The following RGS6 variants were observed in gnomAD, a reference collection of about 807,000 sequenced individuals.
The protein encoded by RGS6 is regulator of G-protein signaling 6.
RGS6 carries 30 observed loss-of-function variants against 78.5 expected under a neutral mutation model. The observed-to-expected ratio is 0.38, with a 90% CI of 0.29 to 0.52. The LOEUF (loss-of-function observed/expected upper bound fraction) is 0.52. Ranked by LOEUF, RGS6 falls within the 20% of genes least tolerant of loss-of-function variation. RGS6 has a pLI of 0.85. For missense variants in RGS6, 495 were observed against 609.7 expected, an observed-to-expected ratio of 0.81 and a Z score of 1.98; for synonymous variants, 206 against 206.0, an observed-to-expected ratio of 1.00 and a Z score of 0.00.
intron 2 of RGS6, among the ~76,000 whole-genome samples, chr14:72,028,483 A>G (rs1421974299): frequency 6.6e-6 from 1 of 152,242 alleles, no homozygotes; most frequent in Non-Finnish European, 1.5e-5. Flanking sequence ...CACTGTGCAT[A>G]GTGACTCTTA....
At chr14:72,413,601 C>G (rs562721744) in intron 3 of RGS6, among the ~76,000 whole-genome samples, 39 of 152,264 alleles carry the variant, frequency 2.6e-4, no homozygotes, top group Admixed American at 6.5e-4. Context: ...GAATTTGATC[C>G]TGTTATTATG....
At chr14:72,032,316 T>C (rs1020165666) in intron 2 of RGS6, among the ~76,000 whole-genome samples, 3 of 152,198 alleles carry the variant, frequency 2.0e-5, no homozygotes, top group Non-Finnish European at 4.4e-5. Flanking sequence ...TTTATCAGTT[T>C]ACCACCCATT....
intron 1 of RGS6, among the ~76,000 whole-genome samples, chr14:71,935,009 T>G (rs1166471030): frequency 1.3e-5 from 2 of 152,226 alleles, no homozygotes; most frequent in African/African-American, 4.8e-5. Flanking sequence ...TTAGCTTGTC[T>G]TAATTGGTAT....
At chr14:72,417,958 C>T (rs558910994) in intron 3 of RGS6, among the ~76,000 whole-genome samples, 10 of 152,240 alleles carry the variant, frequency 6.6e-5, no homozygotes, top group African/African-American at 2.4e-4. Context: ...TGATTTATAG[C>T]ATAGCTTGGG....
intron 2 of RGS6, among the ~76,000 whole-genome samples, chr14:72,122,389 G>A (rs1597949917): frequency 6.6e-6 from 1 of 152,250 alleles, no homozygotes; most frequent in Middle Eastern, 3.4e-3. Context: ...GATATCTACT[G>A]CTTAGAAGGG....
intron 2 of RGS6, among the ~76,000 whole-genome samples, chr14:72,321,043 A>T (rs959770618): frequency 6.6e-6 from 1 of 151,288 alleles, no homozygotes; most frequent in African/African-American, 2.4e-5. Flanking sequence ...ATATGTAAAC[A>T]TATAATATAT....
intron 2 of RGS6, among the ~76,000 whole-genome samples, chr14:72,314,211 C>A (rs1158765080): frequency 6.6e-6 from 1 of 152,138 alleles, no homozygotes; most frequent in Non-Finnish European, 1.5e-5. Context: ...AGAGGTTCCT[C>A]CTAATGAGAT....
At chr14:72,399,138 T>C (rs761210055) in intron 3 of RGS6, among the ~76,000 whole-genome samples, 15 of 139,470 alleles carry the variant, frequency 1.1e-4, no homozygotes, top group Non-Finnish European at 1.6e-4. Context: ...ATCTGTCTAA[T>C]GTTGACAGTG....
intron 2 of RGS6, among the ~76,000 whole-genome samples, chr14:72,226,651 C>T (rs532086868): frequency 6.6e-6 from 1 of 152,166 alleles, no homozygotes; most frequent in Non-Finnish European, 1.5e-5. Flanking sequence ...TATCCTGAAT[C>T]GGAATCTTCA....
the RGS6 span, among the ~76,000 whole-genome samples, chr14:72,575,804 G>A: frequency 6.6e-6 from 1 of 152,194 alleles, no homozygotes; most frequent in Non-Finnish European, 1.5e-5. Context: ...CAATTATTAT[G>A]TGTCCATTTA....
rs1433227736 is a variant in RGS6, at chr14:72,195,183, G to A, written c.85-156912G>A. 3.9e-5 allele frequency among the ~76,000 whole-genome samples: 6 copies of A among 152,110 alleles called. No homozygotes were observed. The East Asian group carries it at 9.6e-4, about 24-fold the overall frequency. On this transcript the variant is annotated intron_variant, in intron 2 of 17. Coordinates refer to ENST00000553525, the MANE Select transcript of RGS6 (RefSeq NM_001204424.2). ...AGATCGCACCACTGCACTCCGGCCT[G>A]GGCGACAGAGTGAAACTCCATCTCA...
chr14:72,404,188 T>C (rs1220286586), intron 3 of RGS6, among the ~76,000 whole-genome samples: 1 of 152,192 alleles, frequency 6.6e-6, no homozygotes, highest in East Asian at 1.9e-4. Context: ...TGAATGAAGA[T>C]AGGAGGTGTA....
Position 72,181,521 on chromosome 14 carries a change from C to T in RGS6, c.85-170574C>T, listed in dbSNP as rs183518073. On this transcript the variant is annotated intron_variant, in intron 2 of 17. Coordinates refer to ENST00000553525, the MANE Select transcript of RGS6 (RefSeq NM_001204424.2). ...TTGACACTGCTGTTATTTGAGCCTTCAGGTGTAGGGACTTGGAGCACCTAT... is the reference window on the plus strand; with the variant it reads ...TTGACACTGCTGTTATTTGAGCCTTTAGGTGTAGGGACTTGGAGCACCTAT... Among the ~76,000 whole-genome samples the T allele has an allele frequency of 1.5e-3, 234 of 152,334 alleles. 1 individual carries two copies. Among genetic ancestry groups the T allele is most frequent in the Middle Eastern group, 6.8e-3 (2 of 294 alleles).
At chr14:72,421,875 C>G (rs1043157381) in intron 3 of RGS6, among the ~76,000 whole-genome samples, 1 of 152,182 alleles carries the variant, frequency 6.6e-6, no homozygotes, top group African/African-American at 2.4e-5. Context: ...GTTTCCTCTT[C>G]TGAAAGGCAG....
chr14:72,510,321 A>G (rs2096862634), intron 14 of RGS6, 42 bp downstream of exon 14: 2 of 1,612,810 alleles, frequency 1.2e-6, no homozygotes, highest in Non-Finnish European at 1.7e-6. Flanking sequence ...AATGTGTGTG[A>G]AGAAATTTGC....
chr14:72,525,082 C>A (rs1460681579), intron 15 of RGS6, among the ~76,000 whole-genome samples: 1 of 152,210 alleles, frequency 6.6e-6, no homozygotes, highest in Non-Finnish European at 1.5e-5. Flanking sequence ...TAAGTTCCTG[C>A]ATCACAAAGG....
At chr14:72,140,261 G>A (rs1567293931) in intron 2 of RGS6, among the ~76,000 whole-genome samples, 1 of 150,816 alleles carries the variant, frequency 6.6e-6, no homozygotes, top group Non-Finnish European at 1.5e-5. Flanking sequence ...ATCTCCTGTA[G>A]GAAGAGAAGG....
chr14:71,977,860 G>A (rs2094221870), intron 2 of RGS6, among the ~76,000 whole-genome samples: 1 of 152,034 alleles, frequency 6.6e-6, no homozygotes, highest in South Asian at 2.1e-4. Context: ...GGGCAGTATG[G>A]CCATTTTCAC....
intron 2 of RGS6, among the ~76,000 whole-genome samples, chr14:72,081,477 A>G (rs1025407659): frequency 1.3e-5 from 2 of 152,082 alleles, no homozygotes; most frequent in Non-Finnish European, 1.5e-5. Context: ...CTCCTCAAAT[A>G]TGTATTTCTG....
Sources: gnomAD v4.1 joint callset for allele counts (sites outside exome capture counted in the v4.1 genomes callset) on GRCh38, gnomAD v4.1.1 for gene constraint, MANE v1.5 for transcripts, NCBI Gene and HGNC (gene_info 2026-07-23, HGNC 2026-07-21) for gene names.